THOC5: variants seen among roughly 807,000 people sequenced by gnomAD.
THOC5 encodes Fms-interacting protein.
In THOC5, 43 loss-of-function variants were observed where a neutral mutation model predicts 92.9. That is an observed-to-expected ratio of 0.46 (90% CI 0.36 to 0.60). The LOEUF (loss-of-function observed/expected upper bound fraction) is 0.60, where lower values mean the gene tolerates loss of function less well. Ranked by LOEUF, THOC5 falls within the 20% of genes least tolerant of loss-of-function variation. The probability of loss-of-function intolerance (pLI) is 0.00; values close to 1 mark genes in which losing one functional copy is unlikely to be tolerated. For synonymous variants in THOC5, 296 were observed against 320.1 expected (o/e 0.92, Z 0.80); for missense variants, 659 against 849.4 (o/e 0.78, Z 2.79).
chr22:29,552,095 T>C (rs930771544), intron 1 of THOC5, among the ~76,000 whole-genome samples: 1 of 152,126 alleles, frequency 6.6e-6, no homozygotes, highest in Non-Finnish European at 1.5e-5. Flanking sequence ...TGCTCAATGG[T>C]GCCCAGGCTG....
chr22:29,509,961 G>A (rs992231333), intron 19 of THOC5, among the ~76,000 whole-genome samples: 1 of 152,188 alleles, frequency 6.6e-6, no homozygotes, highest in Admixed American at 6.5e-5. Context: ...AGGGAACAAG[G>A]GGGGATGTTC....
intron 2 of THOC5, 63 bp from the exon 3 acceptor site, chr22:29,544,666 G>A (rs1467809587): frequency 3.5e-6 from 5 of 1,439,142 alleles, no homozygotes; most frequent in Non-Finnish European, 3.7e-6. Flanking sequence ...TGGGATCAGG[G>A]ACACTTGGCT....
Position 29,531,355 on chromosome 22 carries a change from C to T in THOC5, c.847+476G>A, listed in dbSNP as rs1476483084. 3.0e-6 allele frequency: 3 copies of T among 985,322 alleles called. No individual in the cohort carries two copies. In the African/African-American group the frequency reaches 5.2e-5, roughly 17 times the overall value. 61.0% of individuals were successfully genotyped at this position (985,322 alleles called of 1,614,324 possible). A position where few individuals can be genotyped will look rare whatever the true frequency, so the allele number is the denominator to read the frequency against. ...CTCAAAACCCTAGCAGAGTCACAGG[C>T]TGCCCTCAAGCTTAATGAGGACATA... On this transcript the variant is annotated intron_variant, in intron 8 of 19. Transcript: ENST00000490103.
intron 5 of THOC5, among the ~76,000 whole-genome samples, chr22:29,542,501 C>T (rs751183292): frequency 3.9e-5 from 6 of 152,216 alleles, no homozygotes; most frequent in Non-Finnish European, 5.9e-5. Flanking sequence ...CGGTGGCTCA[C>T]GCCTGTAATC....
intron 17 of THOC5, among the ~76,000 whole-genome samples, chr22:29,513,709 G>A (rs970074447): frequency 1.3e-5 from 2 of 151,110 alleles, no homozygotes; most frequent in African/African-American, 4.9e-5. Context: ...AATAAAAAGT[G>A]CTTTCTGGCC....
At chr22:29,529,081 C>T (rs2063601754) in intron 9 of THOC5, 81 bp downstream of exon 9, 1 of 1,350,180 alleles carries the variant, frequency 7.4e-7, no homozygotes, top group African/African-American at 1.4e-5. Context: ...AGAACTAGTC[C>T]AGCTAGTTCT....
chr22:29,520,307 CT>C (rs2063416234), intron 13 of THOC5, among the ~76,000 whole-genome samples: 1 of 152,266 alleles, frequency 6.6e-6, no homozygotes, highest in African/African-American at 2.4e-5. Context: ...TCACTTTCCT[CT>C]TTTTCCTTTT....
chr22:29,545,946 AG>A (rs1391365650), intron 2 of THOC5, among the ~76,000 whole-genome samples: 1 of 152,246 alleles, frequency 6.6e-6, no homozygotes, highest in African/African-American at 2.4e-5. Flanking sequence ...CTGCCCTAGC[AG>A]GGGTTCTCCA....
rs1252184587 is a variant in THOC5, at chr22:29,519,878, C to T, written c.1374+130G>A. The T allele has an allele frequency of 7.2e-6, 4 of 556,378 alleles. No homozygotes were observed. The Admixed American group carries it at 1.4e-4, about 19-fold the overall frequency. The allele number at this position is 556,378 out of a possible 1,614,324, so 34.5% of individuals were successfully genotyped here. On this transcript the variant is annotated intron_variant, in intron 14 of 19. Transcript: ENST00000490103. ...CAAACTCCTGACCTCAGGTGATCCA[C>T]CTGCCTCAGCCTCCCAAAGTACAAG...
At chr22:29,541,282 G>C (rs2063876071) in intron 5 of THOC5, among the ~76,000 whole-genome samples, 1 of 152,110 alleles carries the variant, frequency 6.6e-6, no homozygotes, top group Non-Finnish European at 1.5e-5. Context: ...GGCCAAGGCA[G>C]GTGGATCATT....
chr22:29,519,290 T>G (rs2063392852), intron 14 of THOC5, among the ~76,000 whole-genome samples, 170 bp from the exon 15 acceptor site: 1 of 152,166 alleles, frequency 6.6e-6, no homozygotes, highest in African/African-American at 2.4e-5. Context: ...AGACGCTGAG[T>G]CCTGGCAGAA....
chr22:29,511,999 G>C, intron 18 of THOC5, 22 bp downstream of exon 18: 18 of 1,607,142 alleles, frequency 1.1e-5, no homozygotes, highest in Non-Finnish European at 1.5e-5. Flanking sequence ...TGCTCCTCCT[G>C]TCATCCCCAG....
chr22:29,530,774 T>G (rs2063638162), intron 8 of THOC5, among the ~76,000 whole-genome samples: 1 of 152,106 alleles, frequency 6.6e-6, no homozygotes, highest in Non-Finnish European at 1.5e-5. Context: ...TCTAGCGTTG[T>G]GAGGTCAGAC....
At chr22:29,552,780 C>T (rs1000664997) in intron 1 of THOC5, among the ~76,000 whole-genome samples, 1 of 152,068 alleles carries the variant, frequency 6.6e-6, no homozygotes, top group Admixed American at 6.5e-5. Flanking sequence ...ATGACGATGG[C>T]GGTTTTGTCT....
At chr22:29,530,276 T>C (rs978301540) in intron 8 of THOC5, among the ~76,000 whole-genome samples, 1 of 151,928 alleles carries the variant, frequency 6.6e-6, no homozygotes, top group Non-Finnish European at 1.5e-5. Context: ...CATGTCTGGT[T>C]GGGAGGCCAA....
chr22:29,506,355 G>C lies in THOC5; in HGVS notation c.*2102C>G, dbSNP rs1337463438. 4 of 152,046 alleles carry C rather than the reference G, an allele frequency of 2.6e-5. No individual in the cohort carries two copies. Among genetic ancestry groups the C allele is most frequent in the African/African-American group, 4.8e-5 (2 of 41,396 alleles). 9.4% of individuals were successfully genotyped at this position (152,046 alleles called of 1,614,324 possible). A position where few individuals can be genotyped will look rare whatever the true frequency, so the allele number is the denominator to read the frequency against. ...TCTCTTAATCAAATAATTATATTTT[G>C]AGGCACTTTTGTCATTACCTTAAAG... On this transcript the variant is annotated 3_prime_UTR_variant, in exon 20 of 20. Coordinates refer to ENST00000490103, the MANE Select transcript of THOC5 (RefSeq NM_003678.5).
intron 15 of THOC5, among the ~76,000 whole-genome samples, chr22:29,517,722 A>C (rs940509276): frequency 1.3e-5 from 2 of 152,246 alleles, no homozygotes. Flanking sequence ...GTGTTTTCAT[A>C]GCTGACCTTG....
chr22:29,510,796 C>T lies in THOC5; in HGVS notation c.1988+310G>A, dbSNP rs575399753. 1.5e-3 allele frequency among the ~76,000 whole-genome samples: 236 copies of T among 152,310 alleles called. 1 individual carries two copies. The highest frequency in any genetic ancestry group is 5.6e-3 in the African/African-American group (231 of 41,560). On this transcript the variant is annotated intron_variant, in intron 19 of 19. Coordinates refer to ENST00000490103, the MANE Select transcript of THOC5 (RefSeq NM_003678.5). ...ACAGGACAGTACCCTAGAAAGACCACAGCAGACTCCCTGGGGACAGGCGAG... is the reference window on the plus strand; with the variant it reads ...ACAGGACAGTACCCTAGAAAGACCATAGCAGACTCCCTGGGGACAGGCGAG...
chr22:29,553,632 C>A (rs182803435), intron 1 of THOC5, 39 bp downstream of exon 1: 1 of 152,626 alleles, frequency 6.6e-6, no homozygotes, highest in Admixed American at 6.5e-5. Flanking sequence ...CCCAGCCCCG[C>A]CCCATCTCCC....
Sources: gnomAD v4.1 joint callset for allele counts (sites outside exome capture counted in the v4.1 genomes callset) on GRCh38, gnomAD v4.1.1 for gene constraint, MANE v1.5 for transcripts, NCBI Gene and HGNC (gene_info 2026-07-23, HGNC 2026-07-21) for gene names.